The following TMEM132D variants were observed in gnomAD, a reference collection of about 807,000 sequenced individuals.
TMEM132D encodes mature OL transmembrane protein.
Under a neutral mutation model 62.3 loss-of-function variants are expected in TMEM132D, and 21 were observed. That is an observed-to-expected ratio of 0.34 (90% confidence interval 0.24 to 0.49). The LOEUF (loss-of-function observed/expected upper bound fraction) is 0.49. Among genes scored for constraint, TMEM132D ranks in the 20% least tolerant of loss-of-function variants. TMEM132D has a pLI of 0.99. For synonymous variants in TMEM132D, 621 were observed against 575.6 expected (o/e 1.08, Z -1.13); for missense variants, 1,346 against 1,402.8 (o/e 0.96, Z 0.65).
chr12:129,678,462 T>C (rs1344772789), intron 2 of TMEM132D, among the ~76,000 whole-genome samples: 1 of 152,158 alleles, frequency 6.6e-6, no homozygotes, highest in East Asian at 1.9e-4. Context: ...AAAATGTCTG[T>C]TCATATTTTT....
intron 3 of TMEM132D, among the ~76,000 whole-genome samples, chr12:129,381,897 C>T (rs2135687682): frequency 6.6e-6 from 1 of 152,306 alleles, no homozygotes; most frequent in Admixed American, 6.5e-5. Context: ...TCCTCGGCTT[C>T]TGAAAGCATC....
chr12:129,623,102 A>G (rs1282776600), intron 2 of TMEM132D, among the ~76,000 whole-genome samples: 1 of 152,182 alleles, frequency 6.6e-6, no homozygotes, highest in African/African-American at 2.4e-5. Context: ...TAAGGATAGC[A>G]TTGGATTCAT....
At chr12:129,351,312 G>C (rs1869854448) in intron 3 of TMEM132D, among the ~76,000 whole-genome samples, 1 of 152,132 alleles carries the variant, frequency 6.6e-6, no homozygotes, top group South Asian at 2.1e-4. Flanking sequence ...GCATCTCAGT[G>C]GTTCTATCCG....
intron 1 of TMEM132D, among the ~76,000 whole-genome samples, chr12:129,749,072 G>C (rs1360398882): frequency 6.6e-6 from 1 of 152,220 alleles, no homozygotes; most frequent in Non-Finnish European, 1.5e-5. Flanking sequence ...GGATGCTGCT[G>C]CGCTCCATCC....
intron 2 of TMEM132D, among the ~76,000 whole-genome samples, chr12:129,546,766 A>T (rs1357160807): frequency 6.6e-6 from 1 of 151,348 alleles, no homozygotes; most frequent in Admixed American, 6.6e-5. Context: ...ATGCCACCGT[A>T]CTCCAGCCTG....
At chr12:129,593,204 T>C (rs1048765789) in intron 2 of TMEM132D, among the ~76,000 whole-genome samples, 9 of 152,228 alleles carry the variant, frequency 5.9e-5, no homozygotes, top group Non-Finnish European at 1.2e-4. Context: ...CTTCTGACTT[T>C]CAAGCTTAGA....
chr12:129,298,707 T>C (rs540052156), intron 4 of TMEM132D, among the ~76,000 whole-genome samples: 1 of 152,352 alleles, frequency 6.6e-6, no homozygotes, highest in African/African-American at 2.4e-5. Flanking sequence ...ATTTTAGATT[T>C]CACATATGAG....
intron 1 of TMEM132D, among the ~76,000 whole-genome samples, chr12:129,859,004 G>A (rs1177722636): frequency 7.8e-5 from 11 of 140,970 alleles, no homozygotes; most frequent in Non-Finnish European, 1.3e-4. Flanking sequence ...CCGGGGGAAC[G>A]GGATGGGTGC....
chr12:129,591,212 T>C (rs933220303), intron 2 of TMEM132D, among the ~76,000 whole-genome samples: 2 of 152,098 alleles, frequency 1.3e-5, no homozygotes, highest in Non-Finnish European at 2.9e-5. Flanking sequence ...ATCAAAAGGG[T>C]AGCCAATGGC....
intron 2 of TMEM132D, among the ~76,000 whole-genome samples, chr12:129,625,955 A>T (rs980998242): frequency 5.9e-5 from 9 of 152,290 alleles, no homozygotes; most frequent in Non-Finnish European, 8.8e-5. Flanking sequence ...CTTCAATTTA[A>T]GGTTTAAAAG....
chr12:129,382,758 G>A (rs1593358589), intron 3 of TMEM132D, among the ~76,000 whole-genome samples: 1 of 152,118 alleles, frequency 6.6e-6, no homozygotes, highest in Non-Finnish European at 1.5e-5. Context: ...AGTGAGATTT[G>A]AGGTGAACAC....
At chr12:129,407,878 A>G (rs1216760631) in intron 3 of TMEM132D, among the ~76,000 whole-genome samples, 1 of 148,484 alleles carries the variant, frequency 6.7e-6, no homozygotes, top group Non-Finnish European at 1.5e-5. Flanking sequence ...CAACAGAGCG[A>G]GACTCCGACT....
intron 1 of TMEM132D, among the ~76,000 whole-genome samples, chr12:129,723,600 T>C (rs927563434): frequency 1.1e-4 from 16 of 152,360 alleles, no homozygotes; most frequent in African/African-American, 3.8e-4. Flanking sequence ...CCTTCCTCCA[T>C]GGCTCTGTCC....
intron 3 of TMEM132D, among the ~76,000 whole-genome samples, chr12:129,437,464 C>G (rs528221159): frequency 6.6e-6 from 1 of 152,148 alleles, no homozygotes; most frequent in African/African-American, 2.4e-5. Context: ...TATGAATGAA[C>G]GGGCATGGCC....
chr12:129,748,468 G>T (rs1869889181), intron 1 of TMEM132D, among the ~76,000 whole-genome samples: 1 of 152,136 alleles, frequency 6.6e-6, no homozygotes, highest in South Asian at 2.1e-4. Flanking sequence ...AGCTTGTCTG[G>T]GCACATGTGA....
intron 3 of TMEM132D, among the ~76,000 whole-genome samples, chr12:129,482,791 A>T (rs1486486948): frequency 6.6e-6 from 1 of 151,656 alleles, no homozygotes; most frequent in Admixed American, 6.6e-5. Flanking sequence ...CCAACTTTAG[A>T]TTTAGGTTAA....
chr12:129,170,580 T>A (rs1877691800), intron 5 of TMEM132D, among the ~76,000 whole-genome samples: 1 of 152,218 alleles, frequency 6.6e-6, no homozygotes, highest in Non-Finnish European at 1.5e-5. Context: ...AATCCAGCAC[T>A]TTTGTGGGCC....
chr12:129,438,323 G>A (rs1317456312), intron 3 of TMEM132D, among the ~76,000 whole-genome samples: 1 of 152,128 alleles, frequency 6.6e-6, no homozygotes, highest in African/African-American at 2.4e-5. Flanking sequence ...GTGCAGAAAG[G>A]TGCAGAGACA....
At chr12:129,605,698 A>G (rs1878608092) in intron 2 of TMEM132D, among the ~76,000 whole-genome samples, 1 of 151,052 alleles carries the variant, frequency 6.6e-6, no homozygotes, top group African/African-American at 2.4e-5. Context: ...AAGTGTGCTG[A>G]TGAGCAAATA....
Sources: gnomAD v4.1 joint callset for allele counts (sites outside exome capture counted in the v4.1 genomes callset) on GRCh38, gnomAD v4.1.1 for gene constraint, MANE v1.5 for transcripts, NCBI Gene and HGNC (gene_info 2026-07-23, HGNC 2026-07-21) for gene names.